Variants in RARS1 observed in about 807,000 individuals in gnomAD.
The protein encoded by RARS1 is arginine--tRNA ligase, cytoplasmic.
In RARS1, 75 loss-of-function variants were observed where a neutral mutation model predicts 78.7. The ratio of observed to expected loss-of-function variants is 0.95; its 90% CI spans 0.79 to 1.15. RARS1 has a LOEUF of 1.15. Ranked by LOEUF, RARS1 falls within the 50% of genes most tolerant of loss-of-function variation. RARS1 has a pLI of 0.00. For synonymous variants in RARS1, 273 were observed against 268.2 expected, an observed-to-expected ratio of 1.02 and a Z score of -0.18; for missense variants, 787 against 787.5, an observed-to-expected ratio of 1.00 and a Z score of 0.01.
Position 168,488,710 on chromosome 5 carries a change from A to G in RARS1, c.154A>G (p.Lys52Glu), listed in dbSNP as rs567641210. Residue 52 changes from lysine (K) to glutamate (E), a missense_variant, in exon 2 of 15, where the codon AAG becomes GAG. Transcript: ENST00000231572. The stretch of plus-strand genomic sequence containing the variant: ...GTTACAAGAAGAAAATTTAAAATTA[A>G]AGTATCGACTGAATATTCTTCGAAA... ...EQLQEENLKL[K>E]YRLNILRKSL... 55 of 1,610,440 alleles carry G rather than the reference A, an allele frequency of 3.4e-5. No individual in the cohort carries two copies. In the South Asian group the frequency reaches 5.5e-4, roughly 16 times the overall value.
At chr5:168,513,220 TA>T (rs371566968) in intron 12 of RARS1, among the ~76,000 whole-genome samples, 103 of 137,936 alleles carry the variant, frequency 7.5e-4, no homozygotes, top group Non-Finnish European at 1.2e-3. Context: ...TAATTTTTTG[TA>T]TTTTTTTTTT....
rs747777615 is a variant in RARS1, at chr5:168,518,071, C to CTTT, written c.1873+31_1873+33dup. On this transcript the variant is annotated intron_variant, in intron 14 of 14. Transcript: ENST00000231572. ...GAAAGATAGACAGACTGGTGAGTGTCTTTTTTTTTTTTTTTTTTTTTTTTA... is the reference window on the plus strand; with the variant it reads ...GAAAGATAGACAGACTGGTGAGTGTCTTTTTTTTTTTTTTTTTTTTTTTTTTTA... 5.4e-3 allele frequency: 4,008 copies of CTTT among 746,542 alleles called. 134 individuals carry two copies. Among genetic ancestry groups the CTTT allele is most frequent in the Admixed American group, 0.031 (309 of 10,062 alleles). 46.2% of individuals were successfully genotyped at this position (746,542 alleles called of 1,614,324 possible).
At chr5:168,500,752 C>A (rs1006981791) in intron 8 of RARS1, 32 bp downstream of exon 8, 2 of 1,600,896 alleles carry the variant, frequency 1.2e-6, no homozygotes, top group Admixed American at 3.5e-5. Flanking sequence ...CTTCGTCCAG[C>A]AAATACTATG....
intron 2 of RARS1, among the ~76,000 whole-genome samples, chr5:168,491,946 C>CTTTTTTTTTT (rs149780336): frequency 9.7e-6 from 1 of 102,614 alleles, no homozygotes; most frequent in Non-Finnish European, 1.9e-5. Context: ...TGTCATTCAC[C>CTTTTTTTTTT]TTTTTTTTTT....
At chr5:168,488,265 T>A in intron 1 of RARS1, 2 of 345,420 alleles carry the variant, frequency 5.8e-6, no homozygotes, top group South Asian at 2.2e-5. Context: ...GTAGCTAGGA[T>A]TACAGGCATG....
rs766523663 is a variant in RARS1, at chr5:168,494,662, C to G, written c.579+12C>G. ...GAGAGAATAAAAAGGTATATGTACA[C>G]TCTTCTATTAATATATTAGTATCTT... On this transcript the variant is annotated intron_variant, in intron 5 of 14. Coordinates refer to ENST00000231572, the MANE Select transcript of RARS1 (RefSeq NM_002887.4). The G allele has an allele frequency of 1.3e-6, 2 of 1,494,066 alleles. No individual in the cohort carries two copies. The highest frequency in any genetic ancestry group is 1.1e-5 in the South Asian group (1 of 88,574). 92.6% of individuals were successfully genotyped at this position (1,494,066 alleles called of 1,614,324 possible).
chr5:168,502,209 T>C (rs1758341338), intron 9 of RARS1, 104 bp downstream of exon 9: 1 of 1,459,432 alleles, frequency 6.9e-7, no homozygotes, highest in East Asian at 2.5e-5. Flanking sequence ...TCATCCAATT[T>C]CAACAGTTAT....
chr5:168,499,585 T>G (rs369699975), intron 7 of RARS1, among the ~76,000 whole-genome samples: 6 of 152,206 alleles, frequency 3.9e-5, no homozygotes, highest in African/African-American at 1.4e-4. Flanking sequence ...TTTACTGATA[T>G]GAGACTGGAA....
At chr5:168,505,387 A>G (rs1464699492) in intron 9 of RARS1, among the ~76,000 whole-genome samples, 2 of 152,080 alleles carry the variant, frequency 1.3e-5, no homozygotes, top group African/African-American at 2.4e-5. Context: ...TTTTCTTCCT[A>G]CTTCTCATTC....
rs760629793 is a variant in RARS1 at position 168,494,641 on chromosome 5, G to A, written c.570G>A (p.Glu190=). 4 of 1,576,984 alleles carry A rather than the reference G, an allele frequency of 2.5e-6. No homozygotes were observed. The highest frequency in any genetic ancestry group is 2.2e-5 in the East Asian group (1 of 44,684). The change falls in exon 5 of 15, where the codon GAG becomes GAA. Residue 190 remains glutamate, a synonymous_variant. Coordinates refer to ENST00000231572, the MANE Select transcript of RARS1 (RefSeq NM_002887.4). ...VNGVQLPALG[E]NKKVIVDFSS... ...GAGTTCAACTACCTGCTCTGGGAGA[G>A]AATAAAAAGGTATATGTACACTCTT... is the stretch of plus-strand genomic sequence containing the variant.
chr5:168,487,239 C>T (rs1409580467), intron 1 of RARS1, among the ~76,000 whole-genome samples: 1 of 149,212 alleles, frequency 6.7e-6, no homozygotes. Context: ...TGGGGGGGGT[C>T]CCTGTATTCC....
intron 9 of RARS1, among the ~76,000 whole-genome samples, chr5:168,504,946 A>C (rs1316219801): frequency 1.3e-5 from 2 of 152,222 alleles, no homozygotes; most frequent in Non-Finnish European, 2.9e-5. Context: ...TGTTCACACC[A>C]CTGCATGACA....
chr5:168,509,438 A>C (rs1482303188), intron 11 of RARS1, among the ~76,000 whole-genome samples: 1,725 of 117,858 alleles, frequency 0.015, no homozygotes, highest in Middle Eastern at 0.024. Flanking sequence ...TTTTTTAAAC[A>C]CCCCCCCCCC....
chr5:168,488,471 C>A, intron 1 of RARS1, 131 bp from the exon 2 acceptor site: 2 of 1,076,488 alleles, frequency 1.9e-6, no homozygotes, highest in South Asian at 3.3e-5. Context: ...CAGCAAAAAT[C>A]TCAGAGGAGA....
chr5:168,505,963 A>C (rs1354929510), intron 9 of RARS1, 58 bp from the exon 10 acceptor site: 2 of 1,331,568 alleles, frequency 1.5e-6, no homozygotes, highest in East Asian at 4.7e-5. Flanking sequence ...ATGAGTAAGC[A>C]TTCATTTTCC....
rs139644798 is a variant in RARS1, at chr5:168,510,601, C to T, written c.1367C>T (p.Ser456Leu). The T allele has an allele frequency of 4.3e-4, 684 of 1,607,570 alleles. 2 individuals carry two copies. The highest frequency in any genetic ancestry group is 9.9e-4 in the Middle Eastern group (6 of 6,052). Residue 456 changes from serine to leucine, a missense_variant, in exon 12 of 15, where the codon TCG (serine) becomes TTG (leucine). Transcript: ENST00000231572. The stretch of plus-strand genomic sequence containing the variant: ...TTTAGGAAAAAGTTTAAAACACGTT[C>T]GGGTGAAACAGTGCGCCTCATGGAT... ...GEDKKKFKTR[S>L]GETVRLMDLL...
chr5:168,492,931 C>A, intron 3 of RARS1, 84 bp downstream of exon 3: 1 of 1,223,090 alleles, frequency 8.2e-7, no homozygotes. Context: ...AATACTATTA[C>A]AAGTTGTATC....
At chr5:168,495,852 T>G (rs1383576452) in intron 6 of RARS1, among the ~76,000 whole-genome samples, 2 of 152,130 alleles carry the variant, frequency 1.3e-5, no homozygotes, top group African/African-American at 4.8e-5. Context: ...AGCAGGGTGA[T>G]CAAATTAAAG....
Position 168,517,879 on chromosome 5 carries a change from A to G in RARS1, c.1690A>G (p.Ile564Val), listed in dbSNP as rs1257739625. The G allele has an allele frequency of 6.2e-7, 1 of 1,613,824 alleles. No homozygotes were observed. The highest frequency in any genetic ancestry group is 1.1e-5 in the South Asian group (1 of 91,062). ...CCAAAAAGCTGCTCGAGAAACCAAG[A>G]TTCTTTTGGATCATGAGAAGGAATG... is the stretch of plus-strand genomic sequence containing the variant. ...MLQKAARETK[I>V]LLDHEKEWKL... Residue 564 changes from isoleucine to valine, a missense_variant, in exon 14 of 15, where the codon ATT (isoleucine) becomes GTT (valine). Physicochemically the swap from Ile to Val is conservative, Grantham distance 29. Coordinates refer to ENST00000231572, the MANE Select transcript of RARS1 (RefSeq NM_002887.4).
Sources: allele counts gnomAD v4.1 joint callset (sites outside exome capture counted in the v4.1 genomes callset), GRCh38; gene constraint gnomAD v4.1.1; transcripts MANE v1.5; gene names NCBI Gene and HGNC (gene_info 2026-07-23, HGNC 2026-07-21).